Variants in RHBDF2 observed in about 807,000 individuals in gnomAD.
RHBDF2 encodes the protein inactive rhomboid protein 2.
A neutral mutation model predicts 95.2 loss-of-function variants in RHBDF2; 38 were observed. The ratio of observed to expected loss-of-function variants is 0.40; its 90% CI spans 0.31 to 0.52. The LOEUF (loss-of-function observed/expected upper bound fraction) is 0.52, where lower values mean the gene tolerates loss of function less well. Ranked by LOEUF, RHBDF2 falls within the 20% of genes least tolerant of loss-of-function variation. RHBDF2 has a pLI of 0.56. For missense variants in RHBDF2, 863 were observed against 1,137.7 expected (o/e 0.76, Z 3.47); for synonymous variants, 442 against 462.0 (o/e 0.96, Z 0.55).
chr17:76,474,766 G>A lies in RHBDF2; in HGVS notation c.1266C>T (p.Tyr422=). ...RNKGVYESVK[Y]IQQENFWVGP... The stretch of plus-strand genomic sequence containing the variant: ...CAACCCAGAAGTTCTCCTGCTGGAT[G>A]TACTTCACGCTCTCGTACACACCTT... Residue 422 remains tyrosine, a synonymous_variant, in exon 11 of 19, where the codon TAC becomes TAT. Coordinates refer to ENST00000675367, the MANE Select transcript of RHBDF2 (RefSeq NM_001005498.4). 1.2e-6 allele frequency: 2 copies of A among 1,614,198 alleles called. No homozygotes were observed. The highest frequency in any genetic ancestry group is 1.1e-5 in the South Asian group (1 of 91,086).
intron 2 of RHBDF2, among the ~76,000 whole-genome samples, chr17:76,483,925 C>T (rs1288695939): frequency 6.6e-6 from 1 of 152,162 alleles, no homozygotes; most frequent in Non-Finnish European, 1.5e-5. Flanking sequence ...TCATTCTCTT[C>T]GTTTCGTCTC....
chr17:76,495,867 C>T (rs937244930), intron 1 of RHBDF2, among the ~76,000 whole-genome samples: 2 of 152,172 alleles, frequency 1.3e-5, no homozygotes, highest in African/African-American at 2.4e-5. Flanking sequence ...CCTGGGGCTC[C>T]CTGCTTCCCA....
At position 76,477,645 on chromosome 17, in the gene RHBDF2, C is replaced by T. The variant is rs112850173; in HGVS notation, c.801+12G>A. On this transcript the variant is annotated intron_variant, in intron 7 of 18. Coordinates refer to ENST00000675367, the MANE Select transcript of RHBDF2 (RefSeq NM_001005498.4). ...CCCACCCAACTCCTGCTGTCCCACACCCCATGCTTGCCTTACTAAAAAAGG... is the reference window on the plus strand; with the variant it reads ...CCCACCCAACTCCTGCTGTCCCACATCCCATGCTTGCCTTACTAAAAAAGG... The T allele has an allele frequency of 2.5e-5, 41 of 1,613,768 alleles. No homozygotes were observed. In the African/African-American group the frequency reaches 4.9e-4, roughly 19 times the overall value.
chr17:76,492,826 G>C (rs1340102782), intron 1 of RHBDF2, among the ~76,000 whole-genome samples: 3 of 152,252 alleles, frequency 2.0e-5, no homozygotes, highest in Non-Finnish European at 4.4e-5. Flanking sequence ...CAAGGGCTGA[G>C]CCTGCGTGTG....
intron 1 of RHBDF2, among the ~76,000 whole-genome samples, chr17:76,494,132 TG>T (rs2144423686): frequency 6.6e-6 from 1 of 152,198 alleles, no homozygotes; most frequent in Non-Finnish European, 1.5e-5. Flanking sequence ...TGCGGGGGGC[TG>T]GGGGGTGACA....
Position 76,479,212 on chromosome 17 carries a change from C to T in RHBDF2, c.338G>A (p.Arg113His), listed in dbSNP as rs754289562. 8.1e-6 allele frequency: 13 copies of T among 1,609,270 alleles called. No homozygotes were observed. The highest frequency in any genetic ancestry group is 1.0e-5 in the Non-Finnish European group (12 of 1,179,206). Reference protein sequence around the residue: ...WEGQRQQWQRRSLHHCSMRYG... With the variant: ...WEGQRQQWQRHSLHHCSMRYG... Reference sequence around the variant, plus strand: ...GCGCATGCTGCAGTGGTGCAGGCTGCGGCGCTGCCACTGCTGCCGCTGCCC... The same window carrying T: ...GCGCATGCTGCAGTGGTGCAGGCTGTGGCGCTGCCACTGCTGCCGCTGCCC... The change falls in exon 5 of 19, where the codon CGC (arginine) becomes CAC (histidine). Residue 113 changes from arginine to histidine, a missense_variant. Around this residue, in one of 2 missense-constraint regions of RHBDF2, gnomAD observed 611 missense variants for 725.5 expected, o/e 0.84. Coordinates refer to ENST00000675367, the MANE Select transcript of RHBDF2 (RefSeq NM_001005498.4).
intron 1 of RHBDF2, among the ~76,000 whole-genome samples, chr17:76,491,623 G>A (rs1010237837): frequency 2.6e-5 from 4 of 152,220 alleles, no homozygotes; most frequent in African/African-American, 9.6e-5. Flanking sequence ...GAGGGAATGG[G>A]ACAAGGTCAC....
At chr17:76,485,428 A>AG (rs1458049435) in intron 2 of RHBDF2, among the ~76,000 whole-genome samples, 1 of 150,322 alleles carries the variant, frequency 6.7e-6, no homozygotes, top group Non-Finnish European at 1.5e-5. Context: ...AAAAAAAAAA[A>AG]AAAAAGAGCT....
At chr17:76,486,077 T>TACACACACAC (rs57942849) in intron 2 of RHBDF2, among the ~76,000 whole-genome samples, 228 of 144,878 alleles carry the variant, frequency 1.6e-3, no homozygotes, top group Middle Eastern at 6.8e-3. Context: ...TATATATATG[T>TACACACACAC]ACACACACAC....
intron 2 of RHBDF2, among the ~76,000 whole-genome samples, chr17:76,483,077 G>C (rs1386613181): frequency 1.3e-5 from 2 of 152,140 alleles, no homozygotes; most frequent in Non-Finnish European, 2.9e-5. Context: ...GCTGAGGCAG[G>C]AGAATCACTT....
At chr17:76,492,108 C>T (rs2074316044) in intron 1 of RHBDF2, among the ~76,000 whole-genome samples, 1 of 152,224 alleles carries the variant, frequency 6.6e-6, no homozygotes, top group Non-Finnish European at 1.5e-5. Context: ...GGGCCTTCAG[C>T]CCCAGCCCAG....
intron 18 of RHBDF2, among the ~76,000 whole-genome samples, chr17:76,472,322 G>A (rs533697371): frequency 7.7e-4 from 117 of 152,248 alleles, no homozygotes; most frequent in Non-Finnish European, 1.5e-3. Context: ...GGCCGCACAC[G>A]GTGGGGAGAG....
At chr17:76,486,735 A>ATAAATAAATAAATAAATAAAT (rs2074140169) in intron 2 of RHBDF2, among the ~76,000 whole-genome samples, 1 of 151,770 alleles carries the variant, frequency 6.6e-6, no homozygotes, top group Non-Finnish European at 1.5e-5. Context: ...AAATAAATAA[A>ATAAATAAATAAATAAATAAAT]AACACTGATG....
At chr17:76,491,585 C>G (rs1336791745) in intron 1 of RHBDF2, among the ~76,000 whole-genome samples, 1 of 152,244 alleles carries the variant, frequency 6.6e-6, no homozygotes, top group Non-Finnish European at 1.5e-5. Context: ...GAGAGCAGCT[C>G]CACCCTCTGG....
At chr17:76,478,746 G>A in intron 6 of RHBDF2, 60 bp downstream of exon 6, 5 of 1,417,302 alleles carry the variant, frequency 3.5e-6, no homozygotes, top group Non-Finnish European at 3.9e-6. Context: ...GGAGTGGAAG[G>A]GAGGGGCAAG....
At chr17:76,490,324 C>G (rs1215670217) in intron 1 of RHBDF2, among the ~76,000 whole-genome samples, 2 of 152,134 alleles carry the variant, frequency 1.3e-5, no homozygotes, top group African/African-American at 4.8e-5. Flanking sequence ...ATGACGAGGT[C>G]CTCAGAGATC....
intron 1 of RHBDF2, among the ~76,000 whole-genome samples, chr17:76,497,437 C>A (rs1267632051): frequency 6.6e-6 from 1 of 152,216 alleles, no homozygotes; most frequent in African/African-American, 2.4e-5. Flanking sequence ...GGTCCCCCTA[C>A]CCCAGACACA....
chr17:76,479,193 GC>G lies in RHBDF2; in HGVS notation c.356del (p.Ser119ThrfsTer7). On this transcript the variant is annotated frameshift_variant, in exon 5 of 19. Coordinates refer to ENST00000675367, the MANE Select transcript of RHBDF2 (RefSeq NM_001005498.4). LOFTEE classifies it high-confidence loss of function. ...AGGCCTTCAGGCGGCCGTAGCGCAT[GC>G]TGCAGTGGTGCAGGCTGCGGCGCTG... ...QWQRRSLHHC[S>X]MRYGRLKASC... The G allele has an allele frequency of 6.2e-7, 1 of 1,611,902 alleles. No homozygotes were observed. Among genetic ancestry groups the G allele is most frequent in the Non-Finnish European group, 8.5e-7 (1 of 1,179,492 alleles).
At chr17:76,485,411 CAAAAA>C (rs35202087) in intron 2 of RHBDF2, among the ~76,000 whole-genome samples, 5 of 62,778 alleles carry the variant, frequency 8.0e-5, no homozygotes, top group African/African-American at 3.2e-4. Flanking sequence ...AACTCTGTCT[CAAAAA>C]AAAAAAAAAA....
Sources: gnomAD v4.1 joint callset for allele counts (sites outside exome capture counted in the v4.1 genomes callset) on GRCh38, gnomAD v4.1.1 for gene constraint, gnomAD v4.1.1 regional missense constraint, MANE v1.5 for transcripts, NCBI Gene and HGNC (gene_info 2026-07-23, HGNC 2026-07-21) for gene names.